PTAR1: variants seen among roughly 807,000 people sequenced by gnomAD.
PTAR1 encodes the protein protein prenyltransferase alpha subunit repeat containing 1.
A neutral mutation model predicts 45.5 loss-of-function variants in PTAR1; 17 were observed. The ratio of observed to expected loss-of-function variants is 0.37; its 90% CI spans 0.26 to 0.56. The LOEUF (loss-of-function observed/expected upper bound fraction) is 0.56, where lower values mean the gene tolerates loss of function less well. Ranked by LOEUF, PTAR1 falls within the 20% of genes least tolerant of loss-of-function variation. The pLI is 0.77. For synonymous variants in PTAR1, 169 were observed against 171.3 expected (o/e 0.99, Z 0.11); for missense variants, 391 against 476.3 (o/e 0.82, Z 1.67).
intron 5 of PTAR1, among the ~76,000 whole-genome samples, chr9:69,730,179 G>A (rs1195400276): frequency 6.6e-6 from 1 of 152,096 alleles, no homozygotes; most frequent in East Asian, 1.9e-4. Flanking sequence ...GCAGTGGCAA[G>A]TGGTGAATGG....
chr9:69,738,918 C>T (rs922310760), intron 3 of PTAR1, among the ~76,000 whole-genome samples: 1 of 151,904 alleles, frequency 6.6e-6, no homozygotes, highest in Non-Finnish European at 1.5e-5. Flanking sequence ...AGCGATTCCC[C>T]TTCCTCAGCC....
intron 3 of PTAR1, among the ~76,000 whole-genome samples, chr9:69,734,621 A>G (rs1187053327): frequency 6.6e-6 from 1 of 152,132 alleles, no homozygotes; most frequent in Non-Finnish European, 1.5e-5. Context: ...TATAGGGCCA[A>G]TCCAATACCA....
intron 6 of PTAR1, among the ~76,000 whole-genome samples, chr9:69,722,550 G>C (rs1050129927): frequency 6.6e-6 from 1 of 152,016 alleles, no homozygotes; most frequent in Non-Finnish European, 1.5e-5. Flanking sequence ...AGACCATCAG[G>C]GTTGGAAAAA....
rs1413663856 is a variant in PTAR1 at position 69,716,236 on chromosome 9, T to C, written c.*2106A>G. On this transcript the variant is annotated 3_prime_UTR_variant, in exon 8 of 8. Transcript: ENST00000340434. ...AATGGGCTGAACCACCCATGTCTTCTCTGTGTAGTTTGCCCCCAAACACTC... is the reference window on the plus strand; with the variant it reads ...AATGGGCTGAACCACCCATGTCTTCCCTGTGTAGTTTGCCCCCAAACACTC... 7 of 152,244 alleles carry C rather than the reference T, an allele frequency of 4.6e-5. No homozygotes were observed. The South Asian group carries it at 1.0e-3, about 23-fold the overall frequency. 9.4% of individuals were successfully genotyped at this position (152,244 alleles called of 1,614,324 possible). A position where few individuals can be genotyped will look rare whatever the true frequency, so the allele number is the denominator to read the frequency against.
At chr9:69,755,271 C>G (rs1035429286) in intron 1 of PTAR1, among the ~76,000 whole-genome samples, 5 of 152,154 alleles carry the variant, frequency 3.3e-5, no homozygotes, top group African/African-American at 4.8e-5. Flanking sequence ...CAATGTGGAA[C>G]GAACCAGCAC....
Position 69,750,718 on chromosome 9 carries a change from T to TC in PTAR1, c.256+62dup, listed in dbSNP as rs370428629. 6.1e-4 allele frequency: 726 copies of TC among 1,189,042 alleles called. 2 individuals are homozygous for TC. In the African/African-American group the frequency reaches 9.9e-3, roughly 16 times the overall value. 73.7% of individuals were successfully genotyped at this position (1,189,042 alleles called of 1,614,324 possible). On this transcript the variant is annotated intron_variant, in intron 2 of 7. Coordinates refer to ENST00000340434, the MANE Select transcript of PTAR1 (RefSeq NM_001099666.2). ...GGAATGCTGACACTCAGAGAAGGGC[T>TC]CTTCCTACTATATTCCATGTCGCTT...
intron 1 of PTAR1, chr9:69,758,674 A>C (rs1009866153): frequency 1.4e-4 from 57 of 414,586 alleles, no homozygotes; most frequent in Non-Finnish European, 2.2e-4. Context: ...CAAAACATCC[A>C]ACGGCTTCTT....
intron 5 of PTAR1, among the ~76,000 whole-genome samples, chr9:69,725,790 A>T (rs778001052): frequency 5.9e-5 from 9 of 152,062 alleles, no homozygotes; most frequent in Non-Finnish European, 1.0e-4. Flanking sequence ...TTTTTAAAAA[A>T]GACAGCAATT....
chr9:69,724,184 T>G (rs1327615540), intron 5 of PTAR1, among the ~76,000 whole-genome samples: 1 of 152,166 alleles, frequency 6.6e-6, no homozygotes, highest in African/African-American at 2.4e-5. Flanking sequence ...TAGAAAAACA[T>G]GATGCACTAA....
intron 2 of PTAR1, among the ~76,000 whole-genome samples, chr9:69,748,498 G>A (rs1826377614): frequency 6.6e-6 from 1 of 151,918 alleles, no homozygotes; most frequent in Admixed American, 6.6e-5. Context: ...CAAGAATTCA[G>A]TTTGGTTAGG....
chr9:69,758,635 C>A, intron 1 of PTAR1: 1 of 375,474 alleles, frequency 2.7e-6, no homozygotes, highest in Non-Finnish European at 5.6e-6. Context: ...GGCACAGTTG[C>A]ACGTCTCCAA....
Position 69,714,008 on chromosome 9 carries a change from G to A in PTAR1, c.*4334C>T, listed in dbSNP as rs931985067. 6.6e-6 allele frequency: 1 copy of A among 151,974 alleles called. No individual in the cohort carries two copies. The highest frequency in any genetic ancestry group is 2.4e-5 in the African/African-American group (1 of 41,380). 9.4% of individuals were successfully genotyped at this position (151,974 alleles called of 1,614,324 possible). A position where few individuals can be genotyped will look rare whatever the true frequency, so the allele number is the denominator to read the frequency against. On this transcript the variant is annotated 3_prime_UTR_variant, in exon 8 of 8. Coordinates refer to ENST00000340434, the MANE Select transcript of PTAR1 (RefSeq NM_001099666.2). ...TCCCAAAAAAGTAAGAAAGGCACTC[G>A]AATTAACACAGTCTCTACAGTTATT...
chr9:69,748,391 C>T (rs1352315527), intron 2 of PTAR1, among the ~76,000 whole-genome samples: 1 of 88,382 alleles, frequency 1.1e-5, no homozygotes, highest in Non-Finnish European at 2.3e-5. Context: ...GAATGTATTA[C>T]TATCACAGAC....
At chr9:69,759,738 A>C in intron 1 of PTAR1, 115 bp downstream of exon 1, 1 of 1,043,718 alleles carries the variant, frequency 9.6e-7, no homozygotes, top group Non-Finnish European at 1.3e-6. Flanking sequence ...CCTCCCTAGA[A>C]GGGCTCGTGG....
At chr9:69,741,524 C>CA (rs34988909) in intron 3 of PTAR1, 155,078 of 372,362 alleles carry the variant, frequency 0.42, 33,626 homozygotes, top group East Asian at 0.49. Context: ...TCTCCCACCC[C>CA]AAAAAATGAA....
At chr9:69,743,896 C>T (rs1260713053) in intron 2 of PTAR1, among the ~76,000 whole-genome samples, 1 of 151,988 alleles carries the variant, frequency 6.6e-6, no homozygotes, top group African/African-American at 2.4e-5. Context: ...GAAACATAAA[C>T]CACATTTTGG....
At chr9:69,728,876 A>G (rs1216120252) in intron 5 of PTAR1, among the ~76,000 whole-genome samples, 1 of 152,156 alleles carries the variant, frequency 6.6e-6, no homozygotes, top group Non-Finnish European at 1.5e-5. Flanking sequence ...GAAAACAAAT[A>G]TATGCTTTTA....
At chr9:69,746,193 A>C (rs1033570387) in intron 2 of PTAR1, among the ~76,000 whole-genome samples, 1 of 152,228 alleles carries the variant, frequency 6.6e-6, no homozygotes, top group Admixed American at 6.5e-5. Flanking sequence ...ATGAGAAAGG[A>C]CTAGGAGAAG....
At position 69,711,892 on chromosome 9, in the gene PTAR1, A is replaced by G. The variant is rs886735828; in HGVS notation, c.*6450T>C. 6.6e-6 allele frequency: 1 copy of G among 152,158 alleles called. No homozygotes were observed. Among genetic ancestry groups the G allele is most frequent in the African/African-American group, 2.4e-5 (1 of 41,456 alleles). The allele number at this position is 152,158 out of a possible 1,614,324, so 9.4% of individuals were successfully genotyped here. ...TATACTCCTTGGTGAAAAGATGTCA[A>G]CAGTCTCCTTTCTGAAAGCTGTTAG... On this transcript the variant is annotated 3_prime_UTR_variant, in exon 8 of 8. Coordinates refer to ENST00000340434, the MANE Select transcript of PTAR1 (RefSeq NM_001099666.2).
Sources: gnomAD v4.1 joint callset for allele counts (sites outside exome capture counted in the v4.1 genomes callset) on GRCh38, gnomAD v4.1.1 for gene constraint, MANE v1.5 for transcripts, NCBI Gene and HGNC (gene_info 2026-07-23, HGNC 2026-07-21) for gene names.